Variants in CCDC127 observed in about 807,000 individuals in gnomAD.
CCDC127 encodes coiled-coil domain-containing protein 127.
Under a neutral mutation model 4.1 loss-of-function variants are expected in CCDC127, and 2 were observed. The ratio of observed to expected loss-of-function variants is 0.49; its 90% CI spans 0.20 to 1.53. The LOEUF (loss-of-function observed/expected upper bound fraction) is 1.53, where lower values mean the gene tolerates loss of function less well. CCDC127 is among the 40% of genes most tolerant of loss of function. The probability of loss-of-function intolerance (pLI) is 0.23; values close to 1 mark genes in which losing one functional copy is unlikely to be tolerated. For synonymous variants in CCDC127, 98 were observed against 120.4 expected (o/e 0.81, Z 1.22); for missense variants, 271 against 322.9 (o/e 0.84, Z 1.23).
intron 2 of CCDC127, among the ~76,000 whole-genome samples, chr5:207,921 C>T (rs1268660619): frequency 2.6e-5 from 4 of 152,108 alleles, no homozygotes; most frequent in African/African-American, 9.7e-5. Flanking sequence ...CAGACAATGA[C>T]GCACACGGTT....
rs563830939 is a variant in CCDC127 at position 205,494 on chromosome 5, C to T, written c.586G>A (p.Val196Ile). ...IEKSLLVRAS[V>I]DPVAADLEMA... is the part of the protein sequence containing the mutation. ...TCTAGGTCAGCGGCGACGGGGTCGA[C>T]GGACGCTCGCACCAGTAAGCTCTTC... The change falls in exon 3 of 3, where the codon GTC becomes ATC. Residue 196 changes from valine (V) to isoleucine (I), a missense_variant. By Grantham distance (29) the Val-to-Ile change is conservative. Around this residue, in one of 2 missense-constraint regions of CCDC127, gnomAD observed 265 missense variants for 270.9 expected, o/e 0.98. Transcript: ENST00000296824. 4.0e-5 allele frequency: 65 copies of T among 1,613,896 alleles called. 1 individual carries two copies. The highest frequency in any genetic ancestry group is 4.0e-4 in the African/African-American group (30 of 75,056).
At chr5:208,426 G>C (rs527469608) in intron 2 of CCDC127, among the ~76,000 whole-genome samples, 1 of 152,244 alleles carries the variant, frequency 6.6e-6, no homozygotes, top group South Asian at 2.1e-4. Flanking sequence ...GACCACGATA[G>C]AGGCCTGGCA....
chr5:205,237 C>G lies in CCDC127; in HGVS notation c.*60G>C. On this transcript the variant is annotated 3_prime_UTR_variant, in exon 3 of 3. Transcript: ENST00000296824. Reference sequence around the variant, plus strand: ...ACGGGAACGGAAGACGCCGGAGACCCAGAAGGCGCATGACTGCCTGGCCTC... The same window carrying G: ...ACGGGAACGGAAGACGCCGGAGACCGAGAAGGCGCATGACTGCCTGGCCTC... 1 of 1,495,156 alleles carries G rather than the reference C, an allele frequency of 6.7e-7. No individual in the cohort carries two copies. The highest frequency in any genetic ancestry group is 9.1e-7 in the Non-Finnish European group (1 of 1,100,942). 92.6% of individuals were successfully genotyped at this position (1,495,156 alleles called of 1,614,324 possible).
chr5:197,197 G>A lies in CCDC127; in HGVS notation c.*8100C>T, dbSNP rs2126494981. On this transcript the variant is annotated 3_prime_UTR_variant, in exon 3 of 3. Transcript: ENST00000296824. ...AACATGTCTCGCCTCCCGCCACAAG[G>A]CGGCTTTTCTCCTGTCTCAGAGTTG... is the stretch of plus-strand genomic sequence containing the variant. The A allele has an allele frequency of 6.6e-6, 1 of 152,330 alleles. No individual in the cohort carries two copies. The highest frequency in any genetic ancestry group is 1.5e-5 in the Non-Finnish European group (1 of 68,034). The allele number at this position is 152,330 out of a possible 1,614,324, so 9.4% of individuals were successfully genotyped here. A position where few individuals can be genotyped will look rare whatever the true frequency, so the allele number is the denominator to read the frequency against.
intron 1 of CCDC127, chr5:217,061 G>A (rs1734415085): frequency 5.5e-6 from 3 of 543,298 alleles, no homozygotes; most frequent in Non-Finnish European, 9.3e-6. Context: ...AACCTGGGAG[G>A]TGGAGGTTGC....
chr5:205,244 C>T lies in CCDC127; in HGVS notation c.*53G>A. ...CGGAAGACGCCGGAGACCCAGAAGG[C>T]GCATGACTGCCTGGCCTCGAGTCAC... On this transcript the variant is annotated 3_prime_UTR_variant, in exon 3 of 3. Transcript: ENST00000296824. 5 of 1,519,788 alleles carry T rather than the reference C, an allele frequency of 3.3e-6. No homozygotes were observed. Among genetic ancestry groups the T allele is most frequent in the Non-Finnish European group, 4.5e-6 (5 of 1,117,692 alleles). 94.1% of individuals were successfully genotyped at this position (1,519,788 alleles called of 1,614,324 possible). A position where few individuals can be genotyped will look rare whatever the true frequency, so the allele number is the denominator to read the frequency against.
At position 198,663 on chromosome 5, in the gene CCDC127, A is replaced by C. The variant is rs1040631001; in HGVS notation, c.*6634T>G. 6.6e-6 allele frequency: 1 copy of C among 152,356 alleles called. No homozygotes were observed. The highest frequency in any genetic ancestry group is 1.5e-5 in the Non-Finnish European group (1 of 68,132). 9.4% of individuals were successfully genotyped at this position (152,356 alleles called of 1,614,324 possible). On this transcript the variant is annotated 3_prime_UTR_variant, in exon 3 of 3. Coordinates refer to ENST00000296824, the MANE Select transcript of CCDC127 (RefSeq NM_145265.3). ...AACGCCTCCCTCGCCCGTCCTGTGC[A>C]GGTCTCGCACTTGCTCCTACTGAAC...
At chr5:209,116 G>A (rs112564964) in intron 2 of CCDC127, among the ~76,000 whole-genome samples, 5 of 150,918 alleles carry the variant, frequency 3.3e-5, no homozygotes, top group African/African-American at 9.8e-5. Flanking sequence ...ACAACCCTTC[G>A]CAGCCTGGCC....
At position 197,013 on chromosome 5, in the gene CCDC127, TAAG is replaced by T. The variant is rs1186882266; in HGVS notation, c.*8281_*8283del. 4 of 150,502 alleles carry T rather than the reference TAAG, an allele frequency of 2.7e-5. 1 individual carries two copies. The highest frequency in any genetic ancestry group is 2.6e-4 in the Admixed American group (4 of 15,222). 9.3% of individuals were successfully genotyped at this position (150,502 alleles called of 1,614,324 possible). A position where few individuals can be genotyped will look rare whatever the true frequency, so the allele number is the denominator to read the frequency against. On this transcript the variant is annotated 3_prime_UTR_variant, in exon 3 of 3. Coordinates refer to ENST00000296824, the MANE Select transcript of CCDC127 (RefSeq NM_145265.3). ...ATGTAGTAGGAGAGCAGGGTGATAA[TAAG>T]GAGGAGGTCAGCAAAAACGTGTGAG...
intron 2 of CCDC127, chr5:215,799 A>G (rs1456950178): frequency 6.6e-6 from 1 of 152,182 alleles, no homozygotes; most frequent in Non-Finnish European, 1.5e-5. Context: ...CTTCCATTCA[A>G]TTATTCAGTT....
In CCDC127 at chr5:196,957, A is replaced by T. The variant is rs1054390429; in HGVS notation, c.*8340T>A. On this transcript the variant is annotated 3_prime_UTR_variant, in exon 3 of 3. Coordinates refer to ENST00000296824, the MANE Select transcript of CCDC127 (RefSeq NM_145265.3). The stretch of plus-strand genomic sequence containing the variant: ...CGGCCTCTGAGTTCCCTCAGTTTTT[A>T]TTATTATTTTCATTATTTCAGCAAA... The T allele has an allele frequency of 2.1e-4, 2 of 9,566 alleles. No homozygotes were observed. Among genetic ancestry groups the T allele is most frequent in the African/African-American group, 4.9e-4 (2 of 4,108 alleles). 0.6% of individuals were successfully genotyped at this position (9,566 alleles called of 1,614,324 possible).
chr5:210,706 A>AC (rs1183382721), intron 2 of CCDC127, among the ~76,000 whole-genome samples: 1 of 140,430 alleles, frequency 7.1e-6, no homozygotes, highest in East Asian at 2.1e-4. Flanking sequence ...AGACAGCACC[A>AC]CACACCCATC....
At position 197,491 on chromosome 5, in the gene CCDC127, C is replaced by T. The variant is rs1175502208; in HGVS notation, c.*7806G>A. 1 of 152,224 alleles carries T rather than the reference C, an allele frequency of 6.6e-6. No homozygotes were observed. The highest frequency in any genetic ancestry group is 1.9e-4 in the East Asian group (1 of 5,184). 9.4% of individuals were successfully genotyped at this position (152,224 alleles called of 1,614,324 possible). A position where few individuals can be genotyped will look rare whatever the true frequency, so the allele number is the denominator to read the frequency against. ...TGCGGCTTTCCGCAGTGCATTGTGCCTCTGGTTTATTGAGACTAGAGAATA... is the reference window on the plus strand; with the variant it reads ...TGCGGCTTTCCGCAGTGCATTGTGCTTCTGGTTTATTGAGACTAGAGAATA... On this transcript the variant is annotated 3_prime_UTR_variant, in exon 3 of 3. Coordinates refer to ENST00000296824, the MANE Select transcript of CCDC127 (RefSeq NM_145265.3).
Position 205,475 on chromosome 5 carries a change from T to C in CCDC127, c.605A>G (p.Asp202Gly). ...VRASVDPVAA[D>G]LEMAAGLTDI... ...GGTGAGACCGGCTGCCATCTCTAGG[T>C]CAGCGGCGACGGGGTCGACGGACGC... The change falls in exon 3 of 3, where the codon GAC (aspartate) becomes GGC (glycine). Residue 202 changes from aspartate to glycine, a missense_variant. By Grantham distance (94) the Asp-to-Gly change is moderately conservative. This residue lies in a region of CCDC127 where 265 missense variants were observed against 270.9 expected (regional missense o/e 0.98). Coordinates refer to ENST00000296824, the MANE Select transcript of CCDC127 (RefSeq NM_145265.3). The C allele has an allele frequency of 6.2e-7, 1 of 1,614,070 alleles. No homozygotes were observed. Among genetic ancestry groups the C allele is most frequent in the Non-Finnish European group, 8.5e-7 (1 of 1,179,918 alleles).
At position 201,828 on chromosome 5, in the gene CCDC127, A is replaced by G. The variant is rs191455990; in HGVS notation, c.*3469T>C. The stretch of plus-strand genomic sequence containing the variant: ...CAACCTCATATACAATGTTCACTCC[A>G]GACAAGGATTACAGTGGCTGCCCCT... On this transcript the variant is annotated 3_prime_UTR_variant, in exon 3 of 3. Transcript: ENST00000296824. 1 of 152,306 alleles carries G rather than the reference A, an allele frequency of 6.6e-6. No individual in the cohort carries two copies. Among genetic ancestry groups the G allele is most frequent in the Non-Finnish European group, 1.5e-5 (1 of 68,022 alleles). 9.4% of individuals were successfully genotyped at this position (152,306 alleles called of 1,614,324 possible).
At position 197,168 on chromosome 5, in the gene CCDC127, C is replaced by A. The variant is rs13186878; in HGVS notation, c.*8129G>T. On this transcript the variant is annotated 3_prime_UTR_variant, in exon 3 of 3. Coordinates refer to ENST00000296824, the MANE Select transcript of CCDC127 (RefSeq NM_145265.3). Reference sequence around the variant, plus strand: ...GTAAAGAATAACAAGGCAGCATTGCCGCAAACATGTCTCGCCTCCCGCCAC... The same window carrying A: ...GTAAAGAATAACAAGGCAGCATTGCAGCAAACATGTCTCGCCTCCCGCCAC... The A allele has an allele frequency of 6.6e-6, 1 of 151,714 alleles. No individual in the cohort carries two copies. Among genetic ancestry groups the A allele is most frequent in the African/African-American group, 2.4e-5 (1 of 41,286 alleles). 9.4% of individuals were successfully genotyped at this position (151,714 alleles called of 1,614,324 possible).
At position 198,015 on chromosome 5, in the gene CCDC127, T is replaced by TC. The variant is rs1171918746; in HGVS notation, c.*7281dup. The TC allele has an allele frequency of 4.8e-5, 7 of 144,546 alleles. No homozygotes were observed. Among genetic ancestry groups the TC allele is most frequent in the African/African-American group, 1.8e-4 (7 of 39,762 alleles). The allele number at this position is 144,546 out of a possible 1,614,324, so 9.0% of individuals were successfully genotyped here. A position where few individuals can be genotyped will look rare whatever the true frequency, so the allele number is the denominator to read the frequency against. On this transcript the variant is annotated 3_prime_UTR_variant, in exon 3 of 3. Transcript: ENST00000296824. Reference sequence around the variant, plus strand: ...TCACCCCCACCCAGGTTTGTCTCCATCCCCTTTCTCCTTCTGCCCCTGGTG... The same window carrying TC: ...TCACCCCCACCCAGGTTTGTCTCCATCCCCCTTTCTCCTTCTGCCCCTGGTG...
At chr5:208,043 G>C (rs573873862) in intron 2 of CCDC127, among the ~76,000 whole-genome samples, 1 of 152,324 alleles carries the variant, frequency 6.6e-6, no homozygotes, top group Non-Finnish European at 1.5e-5. Flanking sequence ...TGGCAGGACA[G>C]GCTGGATGTC....
intron 2 of CCDC127, among the ~76,000 whole-genome samples, chr5:207,678 G>A (rs1734201644): frequency 6.6e-6 from 1 of 152,196 alleles, no homozygotes; most frequent in African/African-American, 2.4e-5. Flanking sequence ...GGTGCCAAAT[G>A]AGAGGGGCCC....
Sources: gnomAD v4.1 joint callset for allele counts (sites outside exome capture counted in the v4.1 genomes callset) on GRCh38, gnomAD v4.1.1 for gene constraint, gnomAD v4.1.1 regional missense constraint, MANE v1.5 for transcripts, NCBI Gene and HGNC (gene_info 2026-07-23, HGNC 2026-07-21) for gene names.